SOS2: variants seen among roughly 807,000 people sequenced by gnomAD.
SOS2 encodes son of sevenless homolog 2.
In SOS2, 65 loss-of-function variants were observed where a neutral mutation model predicts 148.2. The observed-to-expected ratio is 0.44, with a 90% confidence interval of 0.36 to 0.54. The LOEUF (loss-of-function observed/expected upper bound fraction) is 0.54. Ranked by LOEUF, SOS2 falls within the 20% of genes least tolerant of loss-of-function variation. The probability of loss-of-function intolerance (pLI) is 0.00; values close to 1 mark genes in which losing one functional copy is unlikely to be tolerated. For missense variants in SOS2, 1,341 were observed against 1,590.2 expected (o/e 0.84, Z 2.67); for synonymous variants, 539 against 537.1 (o/e 1.00, Z -0.05).
At chr14:50,177,222 A>C (rs902287679) in intron 7 of SOS2, among the ~76,000 whole-genome samples, 6 of 152,136 alleles carry the variant, frequency 3.9e-5, no homozygotes, top group Non-Finnish European at 8.8e-5. Flanking sequence ...CAAGAGGCTA[A>C]GGCAGGAGAA....
intron 5 of SOS2, among the ~76,000 whole-genome samples, chr14:50,183,993 G>A (rs1373180218): frequency 6.6e-6 from 1 of 152,180 alleles, no homozygotes; most frequent in Non-Finnish European, 1.5e-5. Flanking sequence ...CTACAAACCT[G>A]TACAGCATGT....
chr14:50,203,455 T>C (rs1259021605), intron 2 of SOS2, among the ~76,000 whole-genome samples: 1 of 152,110 alleles, frequency 6.6e-6, no homozygotes, highest in Non-Finnish European at 1.5e-5. Context: ...TTTATTAATA[T>C]TAATTTTATG....
chr14:50,193,463 A>C (rs1214881832), intron 4 of SOS2, among the ~76,000 whole-genome samples: 1 of 152,170 alleles, frequency 6.6e-6, no homozygotes, highest in East Asian at 1.9e-4. Context: ...GTTCTTTCCT[A>C]TGATCATCTA....
intron 21 of SOS2, among the ~76,000 whole-genome samples, chr14:50,121,404 G>C (rs1002344794): frequency 6.6e-6 from 1 of 152,052 alleles, no homozygotes; most frequent in Non-Finnish European, 1.5e-5. Flanking sequence ...GAAAGAAGTT[G>C]ATAAGTTTAA....
At chr14:50,188,880 T>C (rs998874489) in intron 4 of SOS2, among the ~76,000 whole-genome samples, 180 bp from the exon 5 acceptor site, 1 of 152,064 alleles carries the variant, frequency 6.6e-6, no homozygotes, top group Non-Finnish European at 1.5e-5. Flanking sequence ...CTGGCCAACA[T>C]GGTGAAACCC....
chr14:50,206,315 TAC>T (rs1035543330), intron 1 of SOS2, among the ~76,000 whole-genome samples: 10 of 152,372 alleles, frequency 6.6e-5, no homozygotes, highest in African/African-American at 2.4e-4. Flanking sequence ...CAGTTCAAAA[TAC>T]AGTCATCCTT....
chr14:50,211,200 TTAAAA>T (rs1404520895), intron 1 of SOS2, among the ~76,000 whole-genome samples: 1 of 152,214 alleles, frequency 6.6e-6, no homozygotes, highest in Non-Finnish European at 1.5e-5. Context: ...GGATTCAGTA[TTAAAA>T]TAAGAAGTCA....
Position 50,159,567 on chromosome 14 carries a change from T to A in SOS2, c.1716A>T (p.Val572=). 1 of 1,614,042 alleles carries A rather than the reference T, an allele frequency of 6.2e-7. No individual in the cohort carries two copies. The highest frequency in any genetic ancestry group is 8.5e-7 in the Non-Finnish European group (1 of 1,179,916). ...EQPLRLPSPE[V]YRFVVKDSEE... The stretch of plus-strand genomic sequence containing the variant: ...CAGAGTCTTTTACTACAAAACGATA[T>A]ACTTCAGGACTTGGTAATCTCAGTG... The change falls in exon 10 of 23, where the codon GTA becomes GTT. Residue 572 remains valine, a synonymous_variant. Transcript: ENST00000216373.
chr14:50,186,175 A>G (rs1885903897), intron 5 of SOS2, among the ~76,000 whole-genome samples: 1 of 152,180 alleles, frequency 6.6e-6, no homozygotes, highest in South Asian at 2.1e-4. Context: ...TCAAAAGTTT[A>G]TATTTTACTT....
At chr14:50,177,264 G>GA (rs1424000901) in intron 7 of SOS2, among the ~76,000 whole-genome samples, 1 of 152,130 alleles carries the variant, frequency 6.6e-6, no homozygotes, top group Non-Finnish European at 1.5e-5. Flanking sequence ...AGGTTGCAAT[G>GA]AACTGAGACT....
intron 8 of SOS2, among the ~76,000 whole-genome samples, chr14:50,173,496 A>G (rs932808107): frequency 6.6e-6 from 1 of 151,524 alleles, no homozygotes; most frequent in Non-Finnish European, 1.5e-5. Flanking sequence ...ATCTCTGCTC[A>G]CTGCAAGCTC....
At position 50,159,880 on chromosome 14, in the gene SOS2, C is replaced by A; in HGVS notation, c.1403G>T (p.Ser468Ile). 6.2e-7 allele frequency: 1 copy of A among 1,614,136 alleles called. No individual in the cohort carries two copies. Among genetic ancestry groups the A allele is most frequent in the South Asian group, 1.1e-5 (1 of 91,086 alleles). Residue 468 changes from serine (S) to isoleucine (I), a missense_variant, in exon 10 of 23, where the codon AGT becomes ATT. Ser to Ile is a moderately radical substitution (Grantham distance 142). Coordinates refer to ENST00000216373, the MANE Select transcript of SOS2 (RefSeq NM_006939.4). ...AGTCTGGCCATGATTAGGTTTACAA[C>A]TGATCATTAAGCCATCAAACAGAAA... The part of the protein sequence containing the change: ...HIFLFDGLMI[S>I]CKPNHGQTRL...
Position 50,118,530 on chromosome 14 carries a change from C to A in SOS2, c.3813G>T (p.Pro1271=), listed in dbSNP as rs2227276. ...TPPSTPSPRV[P]RRCYVLSSSQ... is the part of the protein sequence containing the mutation. Reference sequence around the variant, plus strand: ...TAGAACTGAGCACATAGCATCGACGCGGTACCCTTGGAGAGGGTGTGCTAG... The same window carrying A: ...TAGAACTGAGCACATAGCATCGACGAGGTACCCTTGGAGAGGGTGTGCTAG... The change falls in exon 23 of 23, where the codon CCG becomes CCT. Residue 1271 remains proline (P), a synonymous_variant. Transcript: ENST00000216373. The A allele has an allele frequency of 6.8e-6, 11 of 1,613,810 alleles. No individual in the cohort carries two copies. Among genetic ancestry groups the A allele is most frequent in the Non-Finnish European group, 9.3e-6 (11 of 1,179,988 alleles).
At chr14:50,178,664 GTGTGTGCATATA>G (rs1397909880) in intron 7 of SOS2, among the ~76,000 whole-genome samples, 5 of 15,822 alleles carry the variant, frequency 3.2e-4, no homozygotes, top group African/African-American at 4.1e-4. Context: ...GTGTGTGTGT[GTGTGTGCATATA>G]TATATATATA....
chr14:50,127,745 G>C (rs1883730243), intron 21 of SOS2, among the ~76,000 whole-genome samples: 1 of 152,190 alleles, frequency 6.6e-6, no homozygotes, highest in East Asian at 1.9e-4. Context: ...GGATCATTGA[G>C]AGAAAGATAT....
At chr14:50,205,688 T>C (rs763216359) in intron 1 of SOS2, among the ~76,000 whole-genome samples, 2 of 152,062 alleles carry the variant, frequency 1.3e-5, no homozygotes, top group African/African-American at 2.4e-5. Context: ...TCCCAGCACT[T>C]TGGGAGGCCG....
At chr14:50,177,245 G>A (rs547195320) in intron 7 of SOS2, among the ~76,000 whole-genome samples, 2 of 151,998 alleles carry the variant, frequency 1.3e-5, no homozygotes, top group African/African-American at 2.4e-5. Flanking sequence ...GCTTTAACCC[G>A]GGAGGCGGAG....
rs1885009611 is a variant in SOS2, at chr14:50,161,553, A to C, written c.1125T>G (p.Ile375Met). ...QEDRECLNQA[I>M]TALMNLQGSM... is the part of the protein sequence containing the mutation. The stretch of plus-strand genomic sequence containing the variant: ...TACCTTGGAGATTCATGAGAGCAGT[A>C]ATAGCTTGGTTCAAACATTCTCTGT... The change falls in exon 9 of 23, where the codon ATT becomes ATG. Residue 375 changes from isoleucine (I) to methionine (M), a missense_variant. Ile to Met is a conservative substitution (Grantham distance 10). Around this residue, in one of 4 missense-constraint regions of SOS2, gnomAD observed 574 missense variants for 711.1 expected, o/e 0.81. Coordinates refer to ENST00000216373, the MANE Select transcript of SOS2 (RefSeq NM_006939.4). 6.2e-7 allele frequency: 1 copy of C among 1,612,332 alleles called. No individual in the cohort carries two copies. The highest frequency in any genetic ancestry group is 8.5e-7 in the Non-Finnish European group (1 of 1,178,442).
chr14:50,162,462 A>G (rs1468251572), intron 8 of SOS2, among the ~76,000 whole-genome samples: 1 of 152,212 alleles, frequency 6.6e-6, no homozygotes, highest in African/African-American at 2.4e-5. Flanking sequence ...AAAAAGTTTA[A>G]AACACCTAAA....
Sources: gnomAD v4.1 joint callset for allele counts (sites outside exome capture counted in the v4.1 genomes callset) on GRCh38, gnomAD v4.1.1 for gene constraint, gnomAD v4.1.1 regional missense constraint, MANE v1.5 for transcripts, NCBI Gene and HGNC (gene_info 2026-07-23, HGNC 2026-07-21) for gene names.